Variants in WNT7B observed in about 807,000 individuals in gnomAD.
WNT7B encodes Wnt family member 7B, also known as protein Wnt-7b.
WNT7B carries 19 observed loss-of-function variants against 38.2 expected under a neutral mutation model. The ratio of observed to expected loss-of-function variants is 0.50; its 90% confidence interval spans 0.35 to 0.73. The LOEUF (loss-of-function observed/expected upper bound fraction) is 0.73, where lower values mean the gene tolerates loss of function less well. Ranked by LOEUF, WNT7B falls within the 30% of genes least tolerant of loss-of-function variation. The pLI is 0.01. For missense variants in WNT7B, 423 were observed against 507.9 expected (o/e 0.83, Z 1.61); for synonymous variants, 243 against 209.3 (o/e 1.16, Z -1.39).
intron 3 of WNT7B, among the ~76,000 whole-genome samples, chr22:45,929,748 CCTT>C (rs1395380862): frequency 5.3e-5 from 8 of 150,760 alleles, no homozygotes; most frequent in East Asian, 1.9e-4. Context: ...ACCGATCCAT[CCTT>C]TCATTCATCT....
chr22:45,923,517 C>T (rs1930992900), intron 3 of WNT7B, among the ~76,000 whole-genome samples, 182 bp from the exon 4 acceptor site: 1 of 152,206 alleles, frequency 6.6e-6, no homozygotes, highest in African/African-American at 2.4e-5. Flanking sequence ...GGGCTGCTAA[C>T]AATAGGTCTC....
Position 45,969,263 on chromosome 22 carries a change from C to T in WNT7B, c.71+7421G>A, listed in dbSNP as rs534862580. Among the ~76,000 whole-genome samples the T allele has an allele frequency of 5.0e-3, 768 of 152,378 alleles. 3 individuals carry two copies. Among genetic ancestry groups the T allele is most frequent in the Non-Finnish European group, 9.2e-3 (624 of 68,032 alleles). ...TAACCGCCCCGTCACCCATGACTCA[C>T]TTGGCTCCCCAGAGCAGGCGGTCAC... On this transcript the variant is annotated intron_variant, in intron 1 of 3. Transcript: ENST00000339464.
intron 1 of WNT7B, among the ~76,000 whole-genome samples, chr22:45,970,520 G>A (rs938864333): frequency 1.3e-5 from 2 of 151,630 alleles, no homozygotes; most frequent in African/African-American, 4.8e-5. Flanking sequence ...CCCTCTCTCC[G>A]ACCCTTACCC....
chr22:45,925,656 C>T, intron 3 of WNT7B: 1 of 985,414 alleles, frequency 1.0e-6, no homozygotes. Context: ...AAGCCCTTCC[C>T]TCCACTAACC....
chr22:45,937,651 G>A (rs746098871), intron 2 of WNT7B, among the ~76,000 whole-genome samples: 1 of 152,236 alleles, frequency 6.6e-6, no homozygotes, highest in Non-Finnish European at 1.5e-5. Context: ...CTGTGCTCAC[G>A]GGTCTGTGCT....
rs1246809347 is a variant in WNT7B, at chr22:45,965,177, GTCCCTT to G, written c.71+11501_71+11506del. Among the ~76,000 whole-genome samples, 1 of 152,000 alleles carries G rather than the reference GTCCCTT, an allele frequency of 6.6e-6. No individual in the cohort carries two copies. The highest frequency in any genetic ancestry group is 6.6e-5 in the Admixed American group (1 of 15,254). On this transcript the variant is annotated intron_variant, in intron 1 of 3. Transcript: ENST00000339464. The surrounding 1 kb of genome is among the most constrained non-coding windows in gnomAD (Gnocchi z 6.5). ...CACCTCCAGGTCTTTGCCCACGTCTGTCCCTTTCCCAGGAACCCACCTTCCTTCCCT... is the reference window on the plus strand; with the variant it reads ...CACCTCCAGGTCTTTGCCCACGTCTGTCCCAGGAACCCACCTTCCTTCCCT...
At chr22:45,948,883 T>C (rs114596536) in intron 2 of WNT7B, among the ~76,000 whole-genome samples, 4,112 of 141,192 alleles carry the variant, frequency 0.029, 194 homozygotes, top group African/African-American at 0.1. Flanking sequence ...CTTGCTCTTT[T>C]ACGCAGACTG....
intron 1 of WNT7B, among the ~76,000 whole-genome samples, chr22:45,957,112 A>AAAAAG (rs1932084573): frequency 6.9e-6 from 1 of 144,498 alleles, no homozygotes; most frequent in Non-Finnish European, 1.5e-5. Context: ...CTCAAAAAAA[A>AAAAAG]AAAAAAAAAA....
At chr22:45,972,559 A>G (rs939716316) in intron 1 of WNT7B, 12 of 159,556 alleles carry the variant, frequency 7.5e-5, no homozygotes, top group African/African-American at 2.9e-4. Context: ...GCTCTGGCTC[A>G]CTTCTCCAAG....
intron 2 of WNT7B, among the ~76,000 whole-genome samples, chr22:45,943,246 C>G (rs568551637): frequency 6.6e-6 from 1 of 152,340 alleles, no homozygotes; most frequent in Non-Finnish European, 1.5e-5. Context: ...GGACCCCACC[C>G]GGGCTCGGGC....
intron 2 of WNT7B, among the ~76,000 whole-genome samples, chr22:45,932,566 C>T (rs201915959): frequency 2.0e-5 from 3 of 152,310 alleles, no homozygotes; most frequent in East Asian, 3.9e-4. Context: ...CTCTCATTTC[C>T]TCTTTGTTTC....
chr22:45,976,936 G>T lies in WNT7B; in HGVS notation c.-182C>A. The T allele has an allele frequency of 1.0e-6, 1 of 989,580 alleles. No individual in the cohort carries two copies. The highest frequency in any genetic ancestry group is 4.6e-5 in the South Asian group (1 of 21,912). The allele number at this position is 989,580 out of a possible 1,614,324, so 61.3% of individuals were successfully genotyped here. On this transcript the variant is annotated 5_prime_UTR_variant, in exon 1 of 4. Transcript: ENST00000339464. The surrounding 1 kb of genome is among the most constrained non-coding windows in gnomAD (Gnocchi z 8.5). ...GCCACCATGGTGAGCCCGGGATGCCGCCGCCGCCACCGCCGCGTGAGCCCG... is the reference window on the plus strand; with the variant it reads ...GCCACCATGGTGAGCCCGGGATGCCTCCGCCGCCACCGCCGCGTGAGCCCG...
intron 2 of WNT7B, chr22:45,936,234 C>T: frequency 4.2e-6 from 4 of 943,872 alleles, no homozygotes; most frequent in Non-Finnish European, 3.8e-6. Flanking sequence ...CCATTTGATA[C>T]ATGGAACTCA....
At chr22:45,934,149 G>C (rs1490702651) in intron 2 of WNT7B, among the ~76,000 whole-genome samples, 1 of 152,256 alleles carries the variant, frequency 6.6e-6, no homozygotes, top group South Asian at 2.1e-4. Context: ...GAGGCACAGA[G>C]AGTGGCTGGA....
chr22:45,975,570 G>A lies in WNT7B; in HGVS notation c.71+1114C>T. On this transcript the variant is annotated intron_variant, in intron 1 of 3. Coordinates refer to ENST00000339464, the MANE Select transcript of WNT7B (RefSeq NM_058238.3). The surrounding 1 kb of genome is among the most constrained non-coding windows in gnomAD (Gnocchi z 6.6). ...CTGTAAAATGGCGGGGCAGACATGGGATGGAGGGTGATGGAGAGACGATTC... is the reference window on the plus strand; with the variant it reads ...CTGTAAAATGGCGGGGCAGACATGGAATGGAGGGTGATGGAGAGACGATTC... The A allele has an allele frequency of 1.4e-6, 1 of 717,028 alleles. No individual in the cohort carries two copies. Among genetic ancestry groups the A allele is most frequent in the Non-Finnish European group, 2.6e-6 (1 of 384,782 alleles). 44.4% of individuals were successfully genotyped at this position (717,028 alleles called of 1,614,324 possible).
At chr22:45,973,591 G>T (rs535909209) in intron 1 of WNT7B, among the ~76,000 whole-genome samples, 3 of 152,310 alleles carry the variant, frequency 2.0e-5, no homozygotes, top group African/African-American at 7.2e-5. Context: ...GTTCCAGTGA[G>T]CAGAGAGTGT....
At chr22:45,972,116 G>GGGGCCCCCCCCCCCC in intron 1 of WNT7B, 4 of 530,740 alleles carry the variant, frequency 7.5e-6, no homozygotes, top group Non-Finnish European at 6.6e-6. Context: ...CCCGGGGGGA[G>GGGGCCCCCCCCCCCC]CCCACCCGCC....
Position 45,921,059 on chromosome 22 carries a change from G to C in WNT7B, c.*1797C>G, listed in dbSNP as rs984358966. On this transcript the variant is annotated 3_prime_UTR_variant, in exon 4 of 4. Transcript: ENST00000339464. ...GAGGGACCCACTTGCCCCAGGCTGAGCCCAGGCCCTTGGCTTGTCGGCTGC... is the reference window on the plus strand; with the variant it reads ...GAGGGACCCACTTGCCCCAGGCTGACCCCAGGCCCTTGGCTTGTCGGCTGC... 6.6e-6 allele frequency: 1 copy of C among 152,290 alleles called. No individual in the cohort carries two copies. Among genetic ancestry groups the C allele is most frequent in the Non-Finnish European group, 1.5e-5 (1 of 68,142 alleles). 9.4% of individuals were successfully genotyped at this position (152,290 alleles called of 1,614,324 possible).
intron 1 of WNT7B, among the ~76,000 whole-genome samples, chr22:45,958,922 C>T (rs1225827875): frequency 6.6e-6 from 1 of 152,156 alleles, no homozygotes; most frequent in Non-Finnish European, 1.5e-5. Context: ...AAGGAAGCCC[C>T]CCGACGGGCA....
Sources: gnomAD v4.1 joint callset for allele counts (sites outside exome capture counted in the v4.1 genomes callset) on GRCh38, gnomAD v4.1.1 for gene constraint, Gnocchi (gnomAD v3.1) non-coding constraint, MANE v1.5 for transcripts, NCBI Gene and HGNC (gene_info 2026-07-23, HGNC 2026-07-21) for gene names.